The following DENND1A variants were observed in gnomAD, a reference collection of about 807,000 sequenced individuals.
DENND1A encodes the protein DENN domain-containing protein 1A.
A neutral mutation model predicts 113.7 loss-of-function variants in DENND1A; 51 were observed. The observed-to-expected ratio is 0.45, with a 90% confidence interval of 0.36 to 0.57. The LOEUF (loss-of-function observed/expected upper bound fraction) is 0.57. DENND1A is among the 20% of genes least tolerant of loss of function. The probability of loss-of-function intolerance (pLI) is 0.00; values close to 1 mark genes in which losing one functional copy is unlikely to be tolerated. For synonymous variants in DENND1A, 565 were observed against 570.8 expected (o/e 0.99, Z 0.14); for missense variants, 1,258 against 1,395.9 (o/e 0.90, Z 1.57).
intron 13 of DENND1A, among the ~76,000 whole-genome samples, chr9:123,458,125 C>T (rs1588631895): frequency 2.6e-5 from 4 of 151,760 alleles, no homozygotes; most frequent in African/African-American, 7.3e-5. Context: ...CTCAGCCTCC[C>T]GGGTAGCTGG....
At chr9:123,503,814 A>G (rs1564613848) in intron 13 of DENND1A, among the ~76,000 whole-genome samples, 1 of 152,192 alleles carries the variant, frequency 6.6e-6, no homozygotes, top group African/African-American at 2.4e-5. Flanking sequence ...CTTCTGCCTC[A>G]GGAGGGCTTG....
chr9:123,884,861 C>T (rs1848787603), intron 1 of DENND1A, among the ~76,000 whole-genome samples: 1 of 152,186 alleles, frequency 6.6e-6, no homozygotes, highest in African/African-American at 2.4e-5. Context: ...CACTATTCTA[C>T]ATTATTCAAT....
At chr9:123,697,068 G>A (rs978901760) in intron 5 of DENND1A, among the ~76,000 whole-genome samples, 1 of 152,134 alleles carries the variant, frequency 6.6e-6, no homozygotes, top group African/African-American at 2.4e-5. Context: ...TTTGCATTAA[G>A]AGTAATCCCC....
chr9:123,508,693 T>G (rs987079650), intron 13 of DENND1A, among the ~76,000 whole-genome samples: 1 of 152,164 alleles, frequency 6.6e-6, no homozygotes, highest in Non-Finnish European at 1.5e-5. Flanking sequence ...TAAATAAATA[T>G]CAAGGAAGTG....
intron 4 of DENND1A, among the ~76,000 whole-genome samples, chr9:123,762,344 A>C (rs1445079260): frequency 6.6e-6 from 1 of 152,232 alleles, no homozygotes; most frequent in African/African-American, 2.4e-5. Context: ...AAAACAAGGG[A>C]GAAAAGCAAT....
At chr9:123,584,200 C>T (rs991571974) in intron 11 of DENND1A, among the ~76,000 whole-genome samples, 2 of 152,262 alleles carry the variant, frequency 1.3e-5, no homozygotes, top group South Asian at 2.1e-4. Context: ...TTTTATTTTG[C>T]GTAGAAAGAG....
intron 1 of DENND1A, among the ~76,000 whole-genome samples, 182 bp downstream of exon 1, chr9:123,929,707 A>C (rs867479399): frequency 6.8e-6 from 1 of 146,498 alleles, no homozygotes; most frequent in African/African-American, 2.5e-5. Context: ...CCCCGCGCGC[A>C]CCCCGCCCCC....
intron 8 of DENND1A, among the ~76,000 whole-genome samples, chr9:123,654,222 GAGCATTTC>G (rs1265311498): frequency 6.6e-6 from 1 of 152,162 alleles, no homozygotes; most frequent in African/African-American, 2.4e-5. Context: ...GCCCTTCACT[GAGCATTTC>G]AGTAAAAAGC....
At chr9:123,782,114 AG>A (rs982153538) in intron 3 of DENND1A, among the ~76,000 whole-genome samples, 1 of 152,138 alleles carries the variant, frequency 6.6e-6, no homozygotes, top group Non-Finnish European at 1.5e-5. Context: ...TTTAAGGGGT[AG>A]GGGATATTTC....
chr9:123,736,029 C>A (rs186642580), intron 5 of DENND1A, among the ~76,000 whole-genome samples: 8 of 152,190 alleles, frequency 5.3e-5, no homozygotes. Context: ...AGAAAAATCA[C>A]TGAAGCTAGC....
chr9:123,719,198 T>C (rs1410445976), intron 5 of DENND1A, among the ~76,000 whole-genome samples: 1 of 152,224 alleles, frequency 6.6e-6, no homozygotes, highest in Admixed American at 6.5e-5. Flanking sequence ...GAAAATAGAC[T>C]AACACAGTGG....
chr9:123,414,373 C>A (rs781008128), intron 19 of DENND1A: 4 of 1,427,602 alleles, frequency 2.8e-6, no homozygotes, highest in Non-Finnish European at 2.7e-6. Context: ...CCATCGCCTA[C>A]ATTTGTTTCC....
At chr9:123,544,763 C>T (rs188972440) in intron 13 of DENND1A, among the ~76,000 whole-genome samples, 14 of 152,262 alleles carry the variant, frequency 9.2e-5, no homozygotes, top group Admixed American at 7.2e-4. Flanking sequence ...ATTTATTTAA[C>T]GAAGCTGTTT....
At chr9:123,880,180 T>C (rs952288499) in intron 1 of DENND1A, among the ~76,000 whole-genome samples, 7 of 152,050 alleles carry the variant, frequency 4.6e-5, no homozygotes, top group Non-Finnish European at 7.4e-5. Context: ...GCCCAGCTAA[T>C]CTTTTGTATT....
intron 13 of DENND1A, among the ~76,000 whole-genome samples, chr9:123,484,922 G>A (rs558308512): frequency 5.9e-5 from 9 of 152,172 alleles, no homozygotes; most frequent in East Asian, 3.9e-4. Flanking sequence ...CTCCCTCTGC[G>A]CCCCCTCCCC....
intron 9 of DENND1A, 44 bp downstream of exon 9, chr9:123,651,969 A>C: frequency 6.5e-7 from 1 of 1,541,094 alleles, no homozygotes; most frequent in Non-Finnish European, 8.9e-7. Context: ...TCTTTCAATT[A>C]AAATTAGATC....
chr9:123,845,542 C>T (rs982523489), intron 2 of DENND1A, among the ~76,000 whole-genome samples: 7 of 151,692 alleles, frequency 4.6e-5, no homozygotes, highest in African/African-American at 1.5e-4. Flanking sequence ...TGGTGGCATA[C>T]ACCTGTAGTC....
intron 2 of DENND1A, among the ~76,000 whole-genome samples, chr9:123,827,905 T>C (rs1331834008): frequency 6.6e-6 from 1 of 152,126 alleles, no homozygotes. Flanking sequence ...AAAATTAATA[T>C]AAATCCTCTC....
At chr9:123,417,052 G>C (rs2044788520) in intron 19 of DENND1A, among the ~76,000 whole-genome samples, 1 of 152,246 alleles carries the variant, frequency 6.6e-6, no homozygotes, top group South Asian at 2.1e-4. Context: ...TTCAGTATTG[G>C]TTCTGCCACT....
Sources: allele counts gnomAD v4.1 joint callset (sites outside exome capture counted in the v4.1 genomes callset), GRCh38; gene constraint gnomAD v4.1.1; transcripts MANE v1.5; gene names NCBI Gene and HGNC (gene_info 2026-07-23, HGNC 2026-07-21).